Variants in CNKSR3 observed in about 807,000 individuals in gnomAD.
CNKSR3 encodes the protein CNKSR family member 3.
A neutral mutation model predicts 67.7 loss-of-function variants in CNKSR3; 36 were observed. That is an observed-to-expected ratio of 0.53 (90% CI 0.41 to 0.70). The LOEUF (loss-of-function observed/expected upper bound fraction) is 0.70, where lower values mean the gene tolerates loss of function less well. Among genes scored for constraint, CNKSR3 ranks in the 30% least tolerant of loss-of-function variants. The probability of loss-of-function intolerance (pLI) is 0.00; values close to 1 mark genes in which losing one functional copy is unlikely to be tolerated. For synonymous variants in CNKSR3, 281 were observed against 271.4 expected, an observed-to-expected ratio of 1.04 and a Z score of -0.35; for missense variants, 630 against 695.2, an observed-to-expected ratio of 0.91 and a Z score of 1.05.
chr6:154,495,077 C>T (rs74750496), intron 1 of CNKSR3, among the ~76,000 whole-genome samples: 4,961 of 152,298 alleles, frequency 0.033, 260 homozygotes, highest in African/African-American at 0.11. Context: ...TCATTTCACA[C>T]TCAAGCTTGA....
intron 1 of CNKSR3, among the ~76,000 whole-genome samples, chr6:154,488,705 G>T (rs1786725596): frequency 2.0e-5 from 3 of 152,116 alleles, no homozygotes; most frequent in Non-Finnish European, 2.9e-5. Context: ...TACAGATGAG[G>T]ATGCTAAATT....
rs1784937994 is a variant in CNKSR3, at chr6:154,412,874, G to A, written c.1070+1425C>T. 2.6e-5 allele frequency among the ~76,000 whole-genome samples: 4 copies of A among 152,042 alleles called. No individual in the cohort carries two copies. In the South Asian group the frequency reaches 8.3e-4, roughly 32 times the overall value. ...TTTCTCAATATATGCTTGAATTGTT[G>A]AATAAGACCCTGGCAGTTCTGTAGG... On this transcript the variant is annotated intron_variant, in intron 10 of 12. Coordinates refer to ENST00000607772, the MANE Select transcript of CNKSR3 (RefSeq NM_173515.4).
intron 11 of CNKSR3, 73 bp from the exon 12 acceptor site, chr6:154,410,505 A>G: frequency 9.9e-7 from 1 of 1,005,222 alleles, no homozygotes; most frequent in Non-Finnish European, 1.6e-6. Flanking sequence ...CCCTTTATGT[A>G]TAACTTAGAC....
chr6:154,474,412 CA>C (rs36085826), intron 1 of CNKSR3, among the ~76,000 whole-genome samples: 69,974 of 127,990 alleles, frequency 0.55, 19,085 homozygotes, highest in African/African-American at 0.79. Context: ...GACTCCGTCT[CA>C]AAAAAAAAAA....
intron 1 of CNKSR3, among the ~76,000 whole-genome samples, chr6:154,474,336 C>A (rs1003796295): frequency 2.0e-5 from 3 of 151,508 alleles, no homozygotes; most frequent in African/African-American, 7.3e-5. Context: ...TCGCTTGAAC[C>A]CGGGAGGCGG....
chr6:154,474,293 G>A (rs573965916), intron 1 of CNKSR3, among the ~76,000 whole-genome samples: 2 of 151,472 alleles, frequency 1.3e-5, no homozygotes, highest in East Asian at 4.0e-4. Flanking sequence ...TATGCCTGTA[G>A]TCCCAGCTAC....
At position 154,406,029 on chromosome 6, in the gene CNKSR3, A is replaced by C. The variant is rs1784779884; in HGVS notation, c.*325T>G. ...CCCCTCAAAAAGGAACAATGCCACCAGTCCCTCACAATGACCATAACGTCT... is the reference window on the plus strand; with the variant it reads ...CCCCTCAAAAAGGAACAATGCCACCCGTCCCTCACAATGACCATAACGTCT... On this transcript the variant is annotated 3_prime_UTR_variant, in exon 13 of 13. Coordinates refer to ENST00000607772, the MANE Select transcript of CNKSR3 (RefSeq NM_173515.4). The C allele has an allele frequency of 8.2e-6, 2 of 243,866 alleles. No individual in the cohort carries two copies. The highest frequency in any genetic ancestry group is 1.6e-5 in the Non-Finnish European group (2 of 125,832). 15.1% of individuals were successfully genotyped at this position (243,866 alleles called of 1,614,324 possible).
In CNKSR3 at chr6:154,422,896, C is replaced by T. The variant is rs761280167; in HGVS notation, c.798+19G>A. On this transcript the variant is annotated intron_variant, in intron 8 of 12. Coordinates refer to ENST00000607772, the MANE Select transcript of CNKSR3 (RefSeq NM_173515.4). ...AAAAGTTTTAAGGAGGAAAATTGAG[C>T]CTCAATAAACAAACTCACCACAGTT... 8 of 1,572,056 alleles carry T rather than the reference C, an allele frequency of 5.1e-6. No individual in the cohort carries two copies. The Admixed American group carries it at 1.3e-4, about 25-fold the overall frequency.
At chr6:154,493,574 G>C (rs1340710030) in intron 1 of CNKSR3, among the ~76,000 whole-genome samples, 1 of 152,200 alleles carries the variant, frequency 6.6e-6, no homozygotes, top group African/African-American at 2.4e-5. Flanking sequence ...GGGAGTTGGA[G>C]TTAGCCTGTA....
intron 1 of CNKSR3, among the ~76,000 whole-genome samples, chr6:154,464,854 T>A (rs1237387702): frequency 6.6e-6 from 1 of 151,622 alleles, no homozygotes; most frequent in African/African-American, 2.4e-5. Context: ...TTCAAAGTGG[T>A]CTGTGGGCCC....
intron 4 of CNKSR3, among the ~76,000 whole-genome samples, chr6:154,436,129 A>G (rs1785467933): frequency 6.6e-6 from 1 of 152,270 alleles, no homozygotes; most frequent in Non-Finnish European, 1.5e-5. Context: ...AGACACAGTC[A>G]GCACTCAGCA....
At position 154,406,311 on chromosome 6, in the gene CNKSR3, ACTT is replaced by A; in HGVS notation, c.*40_*42del. The A allele has an allele frequency of 6.4e-7, 1 of 1,563,730 alleles. No individual in the cohort carries two copies. The highest frequency in any genetic ancestry group is 8.7e-7 in the Non-Finnish European group (1 of 1,152,254). ...AGGCTGTCCACTGTAAAAGCAAGGC[ACTT>A]GGGGCAGGAGCCAGGCAGGTGGCCT... On this transcript the variant is annotated 3_prime_UTR_variant, in exon 13 of 13. Transcript: ENST00000607772.
chr6:154,423,082 T>A, intron 7 of CNKSR3, 99 bp from the exon 8 acceptor site: 1 of 782,260 alleles, frequency 1.3e-6, no homozygotes, highest in Non-Finnish European at 2.1e-6. Flanking sequence ...GCAACTGAAA[T>A]AACATTTTCT....
intron 1 of CNKSR3, among the ~76,000 whole-genome samples, chr6:154,458,878 T>C (rs1332282790): frequency 6.6e-6 from 1 of 152,182 alleles, no homozygotes; most frequent in Non-Finnish European, 1.5e-5. Flanking sequence ...TGAAACATAA[T>C]GTCTGAAAAC....
chr6:154,496,312 A>G (rs552146512), intron 1 of CNKSR3, among the ~76,000 whole-genome samples: 22 of 152,014 alleles, frequency 1.4e-4, no homozygotes, highest in Admixed American at 3.9e-4. Flanking sequence ...AGAGAACAGC[A>G]AAGGCAACCA....
chr6:154,443,126 G>A (rs551548155), intron 2 of CNKSR3, among the ~76,000 whole-genome samples: 231 of 152,076 alleles, frequency 1.5e-3, no homozygotes, highest in Middle Eastern at 0.01. Flanking sequence ...TCGAACTTGT[G>A]AGCTCAGGCA....
At position 154,423,834 on chromosome 6, in the gene CNKSR3, A is replaced by C. The variant is rs534048568; in HGVS notation, c.730-851T>G. On this transcript the variant is annotated intron_variant, in intron 7 of 12. Coordinates refer to ENST00000607772, the MANE Select transcript of CNKSR3 (RefSeq NM_173515.4). ...TGAATTTAGTTTTCTTTTCATTTTCAGATTACATTCAAAAATGAGTCTTCA... is the reference window on the plus strand; with the variant it reads ...TGAATTTAGTTTTCTTTTCATTTTCCGATTACATTCAAAAATGAGTCTTCA... Among the ~76,000 whole-genome samples the C allele has an allele frequency of 6.6e-5, 10 of 152,352 alleles. No homozygotes were observed. The South Asian group carries it at 2.1e-3, about 32-fold the overall frequency.
At chr6:154,471,205 AT>A (rs1305584177) in intron 1 of CNKSR3, among the ~76,000 whole-genome samples, 1 of 152,202 alleles carries the variant, frequency 6.6e-6, no homozygotes. Flanking sequence ...AAATCAATTC[AT>A]TTTTAATTTC....
chr6:154,478,507 A>G (rs1357842084), intron 1 of CNKSR3: 2 of 152,350 alleles, frequency 1.3e-5, no homozygotes, highest in Admixed American at 1.3e-4. Flanking sequence ...ACGCCTGAGC[A>G]AAGTGGAGTT....
Sources: gnomAD v4.1 joint callset for allele counts (sites outside exome capture counted in the v4.1 genomes callset) on GRCh38, gnomAD v4.1.1 for gene constraint, MANE v1.5 for transcripts, NCBI Gene and HGNC (gene_info 2026-07-23, HGNC 2026-07-21) for gene names.